ASCC3: variants seen among roughly 807,000 people sequenced by gnomAD.
ASCC3 encodes the protein ASC-1 complex subunit P200.
A neutral mutation model predicts 256.3 loss-of-function variants in ASCC3; 158 were observed. The ratio of observed to expected loss-of-function variants is 0.62; its 90% CI spans 0.54 to 0.70. ASCC3 has a LOEUF of 0.70. Ranked by LOEUF, ASCC3 falls within the 30% of genes least tolerant of loss-of-function variation. The pLI is 0.00. For missense variants in ASCC3, 2,259 were observed against 2,626.0 expected (o/e 0.86, Z 3.05); for synonymous variants, 948 against 883.4 (o/e 1.07, Z -1.30).
intron 33 of ASCC3, among the ~76,000 whole-genome samples, chr6:100,602,859 G>T (rs554400629): frequency 1.2e-4 from 18 of 151,926 alleles, no homozygotes; most frequent in Non-Finnish European, 2.2e-4. Flanking sequence ...ATAATTCATG[G>T]AAAAATATGC....
At chr6:100,858,539 T>A (rs974056497) in intron 3 of ASCC3, 141 of 961,408 alleles carry the variant, frequency 1.5e-4, no homozygotes, top group Middle Eastern at 5.4e-4. Context: ...TAGATATTCA[T>A]AAAATGCTTT....
chr6:100,585,324 T>C (rs141683306), intron 36 of ASCC3, among the ~76,000 whole-genome samples: 2,211 of 152,312 alleles, frequency 0.015, 31 homozygotes, highest in Non-Finnish European at 0.02. Context: ...CTTCATTTCA[T>C]TAATTTCATC....
intron 4 of ASCC3, among the ~76,000 whole-genome samples, chr6:100,838,498 G>A (rs1771987008): frequency 1.3e-5 from 2 of 151,976 alleles, no homozygotes; most frequent in South Asian, 4.1e-4. Context: ...CTCTTAAGAA[G>A]AATTTCTATG....
chr6:100,516,426 A>G, intron 38 of ASCC3, 99 bp from the exon 39 acceptor site: 1 of 1,413,186 alleles, frequency 7.1e-7, no homozygotes, highest in East Asian at 2.5e-5. Context: ...TTTTGTTTTA[A>G]TTAAGAAATA....
intron 13 of ASCC3, among the ~76,000 whole-genome samples, chr6:100,682,653 G>A (rs189129101): frequency 8.1e-4 from 123 of 152,232 alleles, no homozygotes; most frequent in South Asian, 5.0e-3. Flanking sequence ...ACAGCACCAG[G>A]AATACTATGA....
At chr6:100,757,347 T>C (rs1470935954) in intron 10 of ASCC3, among the ~76,000 whole-genome samples, 1 of 151,954 alleles carries the variant, frequency 6.6e-6, no homozygotes, top group Non-Finnish European at 1.5e-5. Flanking sequence ...AAAGATAATA[T>C]TATAATTCAC....
chr6:100,860,652 TCA>T (rs1773178661), intron 3 of ASCC3, among the ~76,000 whole-genome samples: 1 of 152,034 alleles, frequency 6.6e-6, no homozygotes. Context: ...ATTAAAGCAT[TCA>T]CAGTCTATCA....
At chr6:100,714,837 A>G (rs1428280439) in intron 13 of ASCC3, among the ~76,000 whole-genome samples, 1 of 152,048 alleles carries the variant, frequency 6.6e-6, no homozygotes, top group African/African-American at 2.4e-5. Flanking sequence ...TCAAGTTCAA[A>G]TCATCTTTGA....
At chr6:100,871,237 A>T (rs1005616354) in intron 1 of ASCC3, among the ~76,000 whole-genome samples, 1 of 152,056 alleles carries the variant, frequency 6.6e-6, no homozygotes, top group Non-Finnish European at 1.5e-5. Context: ...CTGGGATTAC[A>T]GGTACGCACC....
At chr6:100,643,993 A>C (rs1345243180) in intron 23 of ASCC3, 38 bp downstream of exon 23, 5 of 1,410,936 alleles carry the variant, frequency 3.5e-6, no homozygotes, top group Non-Finnish European at 5.0e-6. Flanking sequence ...TTTTTTTTAC[A>C]ATAGCAAATA....
intron 14 of ASCC3, among the ~76,000 whole-genome samples, chr6:100,663,135 C>A (rs1233731284): frequency 1.3e-5 from 2 of 152,042 alleles, no homozygotes; most frequent in Admixed American, 1.3e-4. Context: ...ATAAACCCAG[C>A]TTTGTTCACC....
chr6:100,620,983 T>G (rs2114845204), intron 30 of ASCC3, among the ~76,000 whole-genome samples: 1 of 152,294 alleles, frequency 6.6e-6, no homozygotes, highest in East Asian at 1.9e-4. Context: ...CCTCTGAAAT[T>G]TTCATTTTAA....
At chr6:100,620,553 T>G (rs1444823322) in intron 30 of ASCC3, among the ~76,000 whole-genome samples, 1 of 152,182 alleles carries the variant, frequency 6.6e-6, no homozygotes, top group Non-Finnish European at 1.5e-5. Flanking sequence ...ACCCTAGCTT[T>G]CTTTATTCTC....
chr6:100,597,465 C>T (rs1772357505), intron 34 of ASCC3, among the ~76,000 whole-genome samples: 1 of 151,928 alleles, frequency 6.6e-6, no homozygotes. Flanking sequence ...ATTTATGTTG[C>T]TACTATCTTC....
chr6:100,573,476 A>G (rs1421010815), intron 36 of ASCC3, among the ~76,000 whole-genome samples: 3 of 152,162 alleles, frequency 2.0e-5, no homozygotes, highest in African/African-American at 7.2e-5. Context: ...AATTTCTAGC[A>G]TATGAAAATT....
At chr6:100,642,897 T>A (rs1775199788) in intron 23 of ASCC3, 148 bp from the exon 24 acceptor site, 2 of 850,502 alleles carry the variant, frequency 2.4e-6, no homozygotes, top group Non-Finnish European at 1.8e-6. Context: ...TTCGGAAACT[T>A]TAGAAAATTG....
chr6:100,651,973 G>A (rs1439051728), intron 18 of ASCC3, among the ~76,000 whole-genome samples: 2 of 152,052 alleles, frequency 1.3e-5, no homozygotes, highest in South Asian at 2.1e-4. Context: ...GCATGGCCAT[G>A]TGGAAATCTG....
At chr6:100,604,280 T>A (rs981646573) in intron 33 of ASCC3, among the ~76,000 whole-genome samples, 5 of 152,074 alleles carry the variant, frequency 3.3e-5, no homozygotes, top group Admixed American at 6.6e-5. Context: ...GACTAAAAAA[T>A]TTATCAATTT....
chr6:100,606,313 C>T (rs1042658484), intron 32 of ASCC3, among the ~76,000 whole-genome samples: 6 of 152,046 alleles, frequency 3.9e-5, no homozygotes, highest in African/African-American at 1.4e-4. Context: ...ACAGAGTCTT[C>T]ATGCATAAGT....
Sources: gnomAD v4.1 joint callset for allele counts (sites outside exome capture counted in the v4.1 genomes callset) on GRCh38, gnomAD v4.1.1 for gene constraint, MANE v1.5 for transcripts, NCBI Gene and HGNC (gene_info 2026-07-23, HGNC 2026-07-21) for gene names.